The following SMYD5 variants were observed in gnomAD, a reference collection of about 807,000 sequenced individuals.
The protein encoded by SMYD5 is protein-lysine N-trimethyltransferase SMYD5.
In SMYD5, 35 loss-of-function variants were observed where a neutral mutation model predicts 57.4. That is an observed-to-expected ratio of 0.61 (90% CI 0.47 to 0.81). The LOEUF is 0.81. SMYD5 is among the 30% of genes least tolerant of loss of function. The pLI is 0.00. For synonymous variants in SMYD5, 198 were observed against 189.7 expected (o/e 1.04, Z -0.36); for missense variants, 471 against 527.9 (o/e 0.89, Z 1.06).
chr2:73,214,813 G>T, intron 1 of SMYD5: 2 of 1,307,932 alleles, frequency 1.5e-6, no homozygotes, highest in Admixed American at 4.6e-5. Context: ...GAGGAATTTG[G>T]ACCAGAGTCC....
Position 73,221,235 on chromosome 2 carries a change from G to C in SMYD5, c.537+1G>C, listed in dbSNP as rs750310529. The C allele has an allele frequency of 1.2e-6, 2 of 1,613,490 alleles. No homozygotes were observed. The highest frequency in any genetic ancestry group is 2.2e-5 in the East Asian group (1 of 44,870). On this transcript the variant is annotated splice_donor_variant, in intron 5 of 12. Coordinates refer to ENST00000389501, the MANE Select transcript of SMYD5 (RefSeq NM_006062.3). LOFTEE classifies it high-confidence loss of function. ...TAGGATGGTGGCCACAGTGAAGCAG[G>C]TGAGCCCACCCAACCCTCTCGGGGA...
In SMYD5 at chr2:73,225,776, AC is replaced by A; in HGVS notation, c.1107-18del. 1 of 1,613,466 alleles carries A rather than the reference AC, an allele frequency of 6.2e-7. No homozygotes were observed. Among genetic ancestry groups the A allele is most frequent in the Non-Finnish European group, 8.5e-7 (1 of 1,179,790 alleles). ...CATAGCTCCCTGACTTTTCCCCCTC[AC>A]CATCCCCCACCGCTGCAGGGAGAAC... On this transcript the variant is annotated intron_variant, in intron 12 of 12. Transcript: ENST00000389501.
chr2:73,215,562 G>A (rs1461758983), intron 1 of SMYD5, among the ~76,000 whole-genome samples: 1 of 152,164 alleles, frequency 6.6e-6, no homozygotes, highest in Admixed American at 6.5e-5. Flanking sequence ...TAGTGCTCCT[G>A]GGTGGCCACA....
chr2:73,224,087 G>A (rs570960791), intron 10 of SMYD5, 84 bp downstream of exon 10: 1 of 1,318,580 alleles, frequency 7.6e-7, no homozygotes, highest in Admixed American at 1.7e-5. Flanking sequence ...ATCTTTCTCA[G>A]TTGGCCCTTT....
At chr2:73,224,141 C>T (rs1020732120) in intron 10 of SMYD5, 138 bp downstream of exon 10, 2 of 743,492 alleles carry the variant, frequency 2.7e-6, no homozygotes, top group Middle Eastern at 3.8e-4. Flanking sequence ...TAGGTCTGAG[C>T]TCCCACAGGA....
intron 1 of SMYD5, among the ~76,000 whole-genome samples, chr2:73,217,774 G>A (rs1686316847): frequency 6.6e-6 from 1 of 152,156 alleles, no homozygotes; most frequent in Non-Finnish European, 1.5e-5. Context: ...TCCTTTTGTT[G>A]TGGCAGCTCA....
chr2:73,220,875 A>G, intron 4 of SMYD5, 93 bp downstream of exon 4: 1 of 1,438,516 alleles, frequency 7.0e-7, no homozygotes, highest in Non-Finnish European at 9.5e-7. Flanking sequence ...TTAAGTTCCA[A>G]TTCCCCGGAT....
intron 1 of SMYD5, among the ~76,000 whole-genome samples, chr2:73,217,823 G>C (rs1246774528): frequency 6.6e-6 from 1 of 152,172 alleles, no homozygotes; most frequent in Non-Finnish European, 1.5e-5. Flanking sequence ...TGAGTAGTGG[G>C]AGTATGTGCC....
Position 73,224,954 on chromosome 2 carries a change from A to G in SMYD5, c.1029A>G (p.Pro343=). The change falls in exon 11 of 13, where the codon CCA becomes CCG. Residue 343 remains proline (P), a synonymous_variant. Coordinates refer to ENST00000389501, the MANE Select transcript of SMYD5 (RefSeq NM_006062.3). ...TCACTGCTCTGGAGGATATTAAGCC[A>G]GGAGAGGTGAGGGGGACCAGGAACC... is the stretch of plus-strand genomic sequence containing the variant. ...LHVTALEDIK[P]GEEICISYLD... 6.2e-7 allele frequency: 1 copy of G among 1,613,284 alleles called. No homozygotes were observed. The highest frequency in any genetic ancestry group is 1.1e-5 in the South Asian group (1 of 91,010).
intron 9 of SMYD5, 124 bp from the exon 10 acceptor site, chr2:73,223,823 G>C: frequency 1.1e-6 from 1 of 889,574 alleles, no homozygotes; most frequent in Non-Finnish European, 1.9e-6. Context: ...AGATGGTAGG[G>C]ACTGATGCCT....
intron 10 of SMYD5, 129 bp from the exon 11 acceptor site, chr2:73,224,737 A>G: frequency 1.5e-6 from 1 of 674,198 alleles, no homozygotes; most frequent in Non-Finnish European, 2.6e-6. Flanking sequence ...AGAGTCCAGA[A>G]ACTTGGGTTC....
intron 1 of SMYD5, chr2:73,214,634 G>A: frequency 1.3e-6 from 2 of 1,503,098 alleles, no homozygotes; most frequent in Non-Finnish European, 1.8e-6. Flanking sequence ...GCTGCTCGGG[G>A]CGGGGCTAGG....
In SMYD5 at chr2:73,226,306, C is replaced by T. The variant is rs1686503470; in HGVS notation, c.*360C>T. 8.3e-6 allele frequency: 2 copies of T among 242,000 alleles called. No individual in the cohort carries two copies. The highest frequency in any genetic ancestry group is 4.5e-5 in the African/African-American group (2 of 44,696). 15.0% of individuals were successfully genotyped at this position (242,000 alleles called of 1,614,324 possible). A position where few individuals can be genotyped will look rare whatever the true frequency, so the allele number is the denominator to read the frequency against. The stretch of plus-strand genomic sequence containing the variant: ...ATACTCACCCCTTCACCTGAGGCTT[C>T]TCCCCTCTCAACTTGCTGTTGATTT... On this transcript the variant is annotated 3_prime_UTR_variant, in exon 13 of 13. Coordinates refer to ENST00000389501, the MANE Select transcript of SMYD5 (RefSeq NM_006062.3).
rs777868848 is a variant in SMYD5, at chr2:73,225,934, G to A, written c.1245G>A (p.Met415Ile). ...AAGATGCAGAGCTGGGGGATGAGATGACTGATGTGTGATGTTGCCCTGCCC... is the reference window on the plus strand; with the variant it reads ...AAGATGCAGAGCTGGGGGATGAGATAACTGATGTGTGATGTTGCCCTGCCC... The part of the protein sequence containing the change: ...EPEDAELGDE[M>I]TDV Residue 415 changes from methionine to isoleucine, a missense_variant, in exon 13 of 13, where the codon ATG becomes ATA. By Grantham distance (10) the Met-to-Ile change is conservative (BLOSUM62 1). Coordinates refer to ENST00000389501, the MANE Select transcript of SMYD5 (RefSeq NM_006062.3). The A allele has an allele frequency of 1.2e-6, 2 of 1,613,508 alleles. No homozygotes were observed. The highest frequency in any genetic ancestry group is 3.3e-5 in the Admixed American group (2 of 59,964).
At chr2:73,223,884 C>G in intron 9 of SMYD5, 63 bp from the exon 10 acceptor site, 2 of 1,497,412 alleles carry the variant, frequency 1.3e-6, no homozygotes. Flanking sequence ...CCGTGTAAGC[C>G]TCGTTTCCTT....
intron 8 of SMYD5, 106 bp downstream of exon 8, chr2:73,223,212 C>A: frequency 1.0e-6 from 1 of 978,916 alleles, no homozygotes; most frequent in Non-Finnish European, 1.7e-6. Context: ...GGACTCTGGA[C>A]AGATCACTGA....
intron 8 of SMYD5, 76 bp downstream of exon 8, chr2:73,223,182 G>A: frequency 8.1e-7 from 1 of 1,227,666 alleles, no homozygotes; most frequent in South Asian, 1.2e-5. Context: ...TTCCTTTCAA[G>A]ACTGGGATGG....
Position 73,223,543 on chromosome 2 carries a change from T to G in SMYD5, c.883+11T>G. 2 of 1,590,576 alleles carry G rather than the reference T, an allele frequency of 1.3e-6. No homozygotes were observed. The highest frequency in any genetic ancestry group is 2.7e-5 in the African/African-American group (2 of 74,568). On this transcript the variant is annotated intron_variant, in intron 9 of 12. Transcript: ENST00000389501. Reference sequence around the variant, plus strand: ...AGGACATCGAGGCAGGTTGGTGAGATAGGGCCTTGGCCTCACCCAGCCATG... The same window carrying G: ...AGGACATCGAGGCAGGTTGGTGAGAGAGGGCCTTGGCCTCACCCAGCCATG...
intron 12 of SMYD5, 36 bp from the exon 13 acceptor site, chr2:73,225,760 C>T: frequency 6.2e-7 from 1 of 1,613,994 alleles, no homozygotes. Context: ...CCATAGCTCC[C>T]TGACTTTTCC....
Sources: allele counts gnomAD v4.1 joint callset (sites outside exome capture counted in the v4.1 genomes callset), GRCh38; gene constraint gnomAD v4.1.1; transcripts MANE v1.5; gene names NCBI Gene and HGNC (gene_info 2026-07-23, HGNC 2026-07-21).